ARL15: variants seen among roughly 807,000 people sequenced by gnomAD.
The protein encoded by ARL15 is ARF like GTPase 15.
Under a neutral mutation model 25.2 loss-of-function variants are expected in ARL15, and 19 were observed. The ratio of observed to expected loss-of-function variants is 0.75; its 90% CI spans 0.53 to 1.10. The LOEUF is 1.10. Among genes scored for constraint, ARL15 ranks in the 50% least tolerant of loss-of-function variants. The pLI is 0.00. For missense variants in ARL15, 220 were observed against 246.0 expected, an observed-to-expected ratio of 0.89 and a Z score of 0.71; for synonymous variants, 94 against 86.8, an observed-to-expected ratio of 1.08 and a Z score of -0.46.
intron 4 of ARL15, chr5:53,951,372 A>G: frequency 2.6e-6 from 1 of 382,896 alleles, no homozygotes; most frequent in South Asian, 2.0e-5. Context: ...GCTTTTGTAG[A>G]ATACAAAAAT....
At chr5:54,164,173 A>ATT (rs70986664) in intron 2 of ARL15, among the ~76,000 whole-genome samples, 4 of 150,296 alleles carry the variant, frequency 2.7e-5, no homozygotes, top group East Asian at 3.9e-4. Context: ...AATACTTGAG[A>ATT]TTTTTTTTTT....
chr5:54,304,426 C>T (rs77858140), intron 1 of ARL15, among the ~76,000 whole-genome samples: 7,102 of 152,306 alleles, frequency 0.047, 222 homozygotes, highest in Non-Finnish European at 0.071. Context: ...CTCTCACCCC[C>T]GACCTGAGCA....
At chr5:53,999,140 C>G (rs1050270284) in intron 4 of ARL15, among the ~76,000 whole-genome samples, 4 of 151,854 alleles carry the variant, frequency 2.6e-5, no homozygotes, top group Non-Finnish European at 4.4e-5. Context: ...GGCTGTAGGA[C>G]CAACATTCGG....
At chr5:54,273,763 C>G (rs1203930961) in intron 1 of ARL15, among the ~76,000 whole-genome samples, 1 of 152,142 alleles carries the variant, frequency 6.6e-6, no homozygotes, top group Non-Finnish European at 1.5e-5. Context: ...AGACACTGCT[C>G]AACACTTAAT....
intron 1 of ARL15, among the ~76,000 whole-genome samples, chr5:54,263,336 A>G (rs1757542562): frequency 6.6e-6 from 1 of 152,182 alleles, no homozygotes. Flanking sequence ...GTCACTGTTA[A>G]CAAATAAAAA....
At chr5:54,055,736 C>CTGCT (rs1169024558) in intron 4 of ARL15, among the ~76,000 whole-genome samples, 3 of 152,106 alleles carry the variant, frequency 2.0e-5, no homozygotes, top group African/African-American at 7.2e-5. Flanking sequence ...CCAGTTTCTT[C>CTGCT]TGTCATTGCT....
At chr5:54,130,400 A>G (rs376868795) in intron 3 of ARL15, among the ~76,000 whole-genome samples, 2 of 152,300 alleles carry the variant, frequency 1.3e-5, no homozygotes, top group South Asian at 2.1e-4. Context: ...TTAAATTATG[A>G]TATTTTGCTA....
At chr5:54,026,173 AATT>A (rs1236586808) in intron 4 of ARL15, among the ~76,000 whole-genome samples, 14 of 152,354 alleles carry the variant, frequency 9.2e-5, no homozygotes, top group African/African-American at 2.9e-4. Flanking sequence ...TTCAAGAAAT[AATT>A]ATTAAGTGAA....
chr5:53,993,021 G>A (rs987774482), intron 4 of ARL15, among the ~76,000 whole-genome samples: 10 of 151,568 alleles, frequency 6.6e-5, no homozygotes, highest in Non-Finnish European at 1.0e-4. Flanking sequence ...ACTCTGGCCC[G>A]GGCAACAAGA....
At chr5:54,020,509 A>G (rs1749564044) in intron 4 of ARL15, among the ~76,000 whole-genome samples, 1 of 152,194 alleles carries the variant, frequency 6.6e-6, no homozygotes, top group Non-Finnish European at 1.5e-5. Context: ...TTGAACAAGT[A>G]AAGAGGTAGA....
intron 4 of ARL15, among the ~76,000 whole-genome samples, chr5:53,982,335 A>T (rs1443489414): frequency 8.8e-4 from 79 of 89,748 alleles, no homozygotes; most frequent in East Asian, 1.6e-3. Flanking sequence ...CACCTCCCCT[A>T]CCCCCCCACC....
chr5:53,966,279 C>G (rs560779222), intron 4 of ARL15, among the ~76,000 whole-genome samples: 1 of 152,280 alleles, frequency 6.6e-6, no homozygotes, highest in African/African-American at 2.4e-5. Context: ...CTGGATGGCT[C>G]AACATGTGGA....
chr5:54,256,413 TAAA>T (rs35505658), intron 1 of ARL15, among the ~76,000 whole-genome samples: 3,342 of 99,456 alleles, frequency 0.034, 182 homozygotes, highest in African/African-American at 0.12. Context: ...CGAATCAGTT[TAAA>T]AAAAAAAAAA....
chr5:54,023,535 A>G (rs1749682738), intron 4 of ARL15, among the ~76,000 whole-genome samples: 1 of 13,288 alleles, frequency 7.5e-5, no homozygotes, highest in Admixed American at 1.5e-3. Context: ...ACACATGTGA[A>G]AAAAAAAAAA....
chr5:54,088,192 C>T (rs1008333539), intron 4 of ARL15, among the ~76,000 whole-genome samples: 4 of 151,706 alleles, frequency 2.6e-5, no homozygotes, highest in South Asian at 2.1e-4. Flanking sequence ...ACAAAAAGAC[C>T]AAGAGAAAAA....
chr5:54,010,852 A>T (rs1170910882), intron 4 of ARL15, among the ~76,000 whole-genome samples: 1 of 152,008 alleles, frequency 6.6e-6, no homozygotes, highest in Non-Finnish European at 1.5e-5. Context: ...ACAAAAAATT[A>T]GCGGGGCTTG....
At chr5:54,308,805 C>T (rs1355882579) in intron 1 of ARL15, among the ~76,000 whole-genome samples, 1 of 152,172 alleles carries the variant, frequency 6.6e-6, no homozygotes, top group Non-Finnish European at 1.5e-5. Context: ...AAATTTAAAA[C>T]ACATCCGGTA....
Position 53,905,593 on chromosome 5 carries a change from C to G in ARL15, c.463-18880G>C, listed in dbSNP as rs1020675751. Reference sequence around the variant, plus strand: ...CATGCCCTGATTACAATCTTCCACACTACATTTCTTTAGAGAGCAGGTAAT... The same window carrying G: ...CATGCCCTGATTACAATCTTCCACAGTACATTTCTTTAGAGAGCAGGTAAT... On this transcript the variant is annotated intron_variant, in intron 4 of 4. Coordinates refer to ENST00000504924, the MANE Select transcript of ARL15 (RefSeq NM_019087.3). Among the ~76,000 whole-genome samples the G allele has an allele frequency of 3.3e-5, 5 of 152,136 alleles. 1 individual carries two copies. Among genetic ancestry groups the G allele is most frequent in the African/African-American group, 1.2e-4 (5 of 41,438 alleles).
intron 4 of ARL15, among the ~76,000 whole-genome samples, chr5:54,047,190 G>A (rs1228054093): frequency 6.6e-6 from 1 of 152,100 alleles, no homozygotes; most frequent in Non-Finnish European, 1.5e-5. Flanking sequence ...AGTATTCCAG[G>A]AAGTATACTC....
Sources: gnomAD v4.1 joint callset for allele counts (sites outside exome capture counted in the v4.1 genomes callset) on GRCh38, gnomAD v4.1.1 for gene constraint, MANE v1.5 for transcripts, NCBI Gene and HGNC (gene_info 2026-07-23, HGNC 2026-07-21) for gene names.